Variants in PRMT3 observed in about 807,000 individuals in gnomAD.
The protein encoded by PRMT3 is protein arginine methyltransferase 3.
In PRMT3, 62 loss-of-function variants were observed where a neutral mutation model predicts 71.9. The observed-to-expected ratio is 0.86, with a 90% confidence interval of 0.70 to 1.07. The LOEUF (loss-of-function observed/expected upper bound fraction) is 1.07. PRMT3 is among the 50% of genes least tolerant of loss of function. PRMT3 has a pLI of 0.00. For synonymous variants in PRMT3, 213 were observed against 220.4 expected (o/e 0.97, Z 0.30); for missense variants, 663 against 643.0 (o/e 1.03, Z -0.34).
intron 10 of PRMT3, among the ~76,000 whole-genome samples, chr11:20,430,745 C>A (rs10766674): frequency 6.6e-6 from 1 of 151,984 alleles, no homozygotes; most frequent in Non-Finnish European, 1.5e-5. Flanking sequence ...AATCTATTCT[C>A]TTAGGAAATT....
intron 13 of PRMT3, among the ~76,000 whole-genome samples, chr11:20,477,499 T>A (rs889047468): frequency 6.6e-6 from 1 of 151,854 alleles, no homozygotes; most frequent in Non-Finnish European, 1.5e-5. Context: ...AAGGTTCCAA[T>A]GAGCCGACAT....
chr11:20,413,973 A>G (rs942290770), intron 9 of PRMT3, among the ~76,000 whole-genome samples: 1 of 152,188 alleles, frequency 6.6e-6, no homozygotes, highest in Non-Finnish European at 1.5e-5. Flanking sequence ...GCCTACATCT[A>G]TAAAAGGCAC....
chr11:20,436,139 A>G (rs1048605166), intron 10 of PRMT3, among the ~76,000 whole-genome samples: 2 of 152,172 alleles, frequency 1.3e-5, no homozygotes, highest in African/African-American at 4.8e-5. Flanking sequence ...TAGAAATGCT[A>G]CTGATTTTTG....
intron 8 of PRMT3, chr11:20,407,161 C>G (rs1345975312): frequency 6.6e-6 from 1 of 152,164 alleles, no homozygotes; most frequent in Non-Finnish European, 1.5e-5. Flanking sequence ...TCTTCCCAGA[C>G]AGTATCACCA....
chr11:20,501,224 A>G (rs988783019), intron 15 of PRMT3, among the ~76,000 whole-genome samples: 5 of 152,156 alleles, frequency 3.3e-5, no homozygotes, highest in Non-Finnish European at 5.9e-5. Flanking sequence ...TTGTTACAAC[A>G]TCTTAGTGTA....
At chr11:20,497,641 A>G (rs990978128) in intron 15 of PRMT3, among the ~76,000 whole-genome samples, 2 of 152,192 alleles carry the variant, frequency 1.3e-5, no homozygotes, top group African/African-American at 2.4e-5. Context: ...CAAGCTCAAA[A>G]AGATCTATAG....
intron 8 of PRMT3, among the ~76,000 whole-genome samples, chr11:20,404,250 TTTGAGACAGA>T: frequency 1.4e-5 from 1 of 71,002 alleles, no homozygotes; most frequent in East Asian, 3.3e-4. Flanking sequence ...TTTTTTTTTT[TTTGAGACAGA>T]GTCTCGCTTT....
At chr11:20,450,048 T>A (rs1415019084) in intron 10 of PRMT3, among the ~76,000 whole-genome samples, 3 of 152,124 alleles carry the variant, frequency 2.0e-5, no homozygotes, top group Admixed American at 2.0e-4. Context: ...TGTAGGAACA[T>A]CAGAGAAATT....
At chr11:20,391,951 G>A (rs1848724421) in intron 3 of PRMT3, among the ~76,000 whole-genome samples, 1 of 152,136 alleles carries the variant, frequency 6.6e-6, no homozygotes, top group South Asian at 2.1e-4. Context: ...TGACAAAGGA[G>A]GAGTAGAATT....
At chr11:20,444,684 T>C (rs867099538) in intron 10 of PRMT3, among the ~76,000 whole-genome samples, 2 of 152,328 alleles carry the variant, frequency 1.3e-5, no homozygotes, top group Middle Eastern at 3.4e-3. Flanking sequence ...GTCTCTCTCA[T>C]TGAATGTTCC....
In PRMT3 at chr11:20,447,461, G is replaced by A. The variant is rs996228192; in HGVS notation, c.994-4669G>A. Reference sequence around the variant, plus strand: ...CCAAAATGTCATTAGTGTCAATATCGAGAAACCCTGCTTTAGAATGATTGT... The same window carrying A: ...CCAAAATGTCATTAGTGTCAATATCAAGAAACCCTGCTTTAGAATGATTGT... On this transcript the variant is annotated intron_variant, in intron 10 of 15. Coordinates refer to ENST00000331079, the MANE Select transcript of PRMT3 (RefSeq NM_005788.4). 4.6e-5 allele frequency among the ~76,000 whole-genome samples: 7 copies of A among 152,014 alleles called. No homozygotes were observed. The East Asian group carries it at 1.2e-3, about 25-fold the overall frequency.
chr11:20,479,845 C>G (rs1290916817), intron 13 of PRMT3, among the ~76,000 whole-genome samples: 2 of 152,096 alleles, frequency 1.3e-5, no homozygotes, highest in African/African-American at 4.8e-5. Context: ...GATACACACA[C>G]AGAAATATGT....
intron 5 of PRMT3, 42 bp from the exon 6 acceptor site, chr11:20,395,761 G>A (rs770894422): frequency 8.6e-5 from 136 of 1,574,128 alleles, no homozygotes; most frequent in Non-Finnish European, 1.2e-4. Context: ...TTGTTTTATT[G>A]TTATAAGATG....
chr11:20,443,989 A>G (rs1194926697), intron 10 of PRMT3, among the ~76,000 whole-genome samples: 3 of 152,300 alleles, frequency 2.0e-5, no homozygotes, highest in Admixed American at 2.0e-4. Context: ...CACGCATATA[A>G]TAGGGACCTA....
chr11:20,456,682 G>A (rs1013027046), intron 11 of PRMT3, among the ~76,000 whole-genome samples: 1 of 151,910 alleles, frequency 6.6e-6, no homozygotes, highest in Non-Finnish European at 1.5e-5. Context: ...CATGTGGCAG[G>A]GGGGAGTTTA....
intron 13 of PRMT3, among the ~76,000 whole-genome samples, chr11:20,491,798 C>T (rs144140819): frequency 1.3e-5 from 2 of 152,002 alleles, no homozygotes; most frequent in Non-Finnish European, 1.5e-5. Flanking sequence ...CCTGAAAATG[C>T]GTAATTTGGG....
chr11:20,439,927 GACAA>G (rs1468695154), intron 10 of PRMT3, among the ~76,000 whole-genome samples: 3 of 152,182 alleles, frequency 2.0e-5, no homozygotes, highest in African/African-American at 7.2e-5. Flanking sequence ...TGCAAAGACT[GACAA>G]ACAGACCTGT....
intron 10 of PRMT3, among the ~76,000 whole-genome samples, chr11:20,434,016 T>C (rs994713515): frequency 6.6e-6 from 1 of 152,200 alleles, no homozygotes; most frequent in African/African-American, 2.4e-5. Flanking sequence ...TGTTGCCTTT[T>C]CGCCTCAATC....
chr11:20,414,026 T>C (rs1849249822), intron 9 of PRMT3, among the ~76,000 whole-genome samples: 1 of 152,138 alleles, frequency 6.6e-6, no homozygotes, highest in Admixed American at 6.6e-5. Context: ...ACATAGTCTT[T>C]TATTCCTTCA....
Sources: allele counts gnomAD v4.1 joint callset (sites outside exome capture counted in the v4.1 genomes callset), GRCh38; gene constraint gnomAD v4.1.1; transcripts MANE v1.5; gene names NCBI Gene and HGNC (gene_info 2026-07-23, HGNC 2026-07-21).